The following PACRG variants were observed in gnomAD, a reference collection of about 807,000 sequenced individuals.
The protein encoded by PACRG is parkin coregulated, also known as parkin coregulated gene protein.
A neutral mutation model predicts 29.7 loss-of-function variants in PACRG; 29 were observed. The observed-to-expected ratio is 0.98, with a 90% CI of 0.73 to 1.33. The LOEUF (loss-of-function observed/expected upper bound fraction) is 1.33. Ranked by LOEUF, PACRG falls within the 40% of genes most tolerant of loss-of-function variation. PACRG has a pLI of 0.00. For synonymous variants in PACRG, 116 were observed against 118.7 expected (o/e 0.98, Z 0.15); for missense variants, 279 against 316.2 (o/e 0.88, Z 0.89).
chr6:162,931,064 TG>T (rs1280187518), intron 2 of PACRG, among the ~76,000 whole-genome samples: 1 of 151,932 alleles, frequency 6.6e-6, no homozygotes, highest in East Asian at 1.9e-4. Context: ...TGTCTGATTT[TG>T]GTATCAGAGT....
chr6:162,938,662 A>G (rs1179888297), intron 2 of PACRG, among the ~76,000 whole-genome samples: 2 of 152,066 alleles, frequency 1.3e-5, no homozygotes, highest in African/African-American at 4.8e-5. Flanking sequence ...CCCAACATCT[A>G]TTATTTTTTA....
intron 4 of PACRG, among the ~76,000 whole-genome samples, chr6:163,095,943 T>G (rs562315142): frequency 1.3e-5 from 2 of 152,308 alleles, no homozygotes; most frequent in South Asian, 4.1e-4. Flanking sequence ...ATCTCATCTT[T>G]GATAAATAAA....
intron 4 of PACRG, among the ~76,000 whole-genome samples, chr6:163,198,049 C>T (rs1444735037): frequency 6.6e-6 from 1 of 152,186 alleles, no homozygotes; most frequent in Non-Finnish European, 1.5e-5. Context: ...GCCCCAGGTC[C>T]CCGCTAATCT....
At chr6:162,994,540 T>C (rs747601855) in intron 2 of PACRG, among the ~76,000 whole-genome samples, 1 of 152,138 alleles carries the variant, frequency 6.6e-6, no homozygotes, top group Non-Finnish European at 1.5e-5. Flanking sequence ...GCATCGGCTC[T>C]TGAGGCTTCT....
intron 2 of PACRG, among the ~76,000 whole-genome samples, chr6:162,885,528 C>T (rs879555897): frequency 7.2e-5 from 11 of 152,100 alleles, no homozygotes; most frequent in Non-Finnish European, 1.6e-4. Context: ...TCCTCGGCCT[C>T]CCAAAGTGCT....
intron 3 of PACRG, among the ~76,000 whole-genome samples, chr6:163,065,177 C>T (rs1000383520): frequency 6.6e-6 from 1 of 152,126 alleles, no homozygotes; most frequent in African/African-American, 2.4e-5. Flanking sequence ...TCCCTCCCAC[C>T]TTTCTGATTT....
chr6:163,306,442 T>A (rs1785200600), intron 4 of PACRG, among the ~76,000 whole-genome samples: 1 of 152,244 alleles, frequency 6.6e-6, no homozygotes, highest in Admixed American at 6.5e-5. Flanking sequence ...AGTATAACTT[T>A]CAGGTCAAAA....
Position 162,844,182 on chromosome 6 carries a change from C to T in PACRG, c.291+29901C>T, listed in dbSNP as rs1259725005. 9.4e-5 allele frequency among the ~76,000 whole-genome samples: 14 copies of T among 149,466 alleles called. No homozygotes were observed. The South Asian group carries it at 1.5e-3, about 16-fold the overall frequency. On this transcript the variant is annotated intron_variant, in intron 2 of 4. Coordinates refer to ENST00000366888, the MANE Select transcript of PACRG (RefSeq NM_001080379.2). ...CTAAGCAAGCCTGGGCAATGGCGGG[C>T]GCCCCTCCCCCAGCCTCGCTGCCGC...
intron 2 of PACRG, among the ~76,000 whole-genome samples, chr6:163,047,167 A>T (rs1034164982): frequency 6.6e-6 from 1 of 152,204 alleles, no homozygotes; most frequent in African/African-American, 2.4e-5. Context: ...AACAGTCTCA[A>T]TTTCTAAAAC....
chr6:162,815,785 CTATGTACTGGCTCATAGA>C (rs1457650045), intron 2 of PACRG, among the ~76,000 whole-genome samples: 1 of 151,982 alleles, frequency 6.6e-6, no homozygotes, highest in Non-Finnish European at 1.5e-5. Flanking sequence ...GTTTGCCTGT[CTATGTACTGGCTCATAGA>C]TATGTACTGG....
At chr6:163,042,688 A>ACT (rs913722364) in intron 2 of PACRG, 1 of 122,596 alleles carries the variant, frequency 8.2e-6, no homozygotes, top group African/African-American at 3.3e-5. Flanking sequence ...GATTGTGAAT[A>ACT]CTGTGTTTGC....
intron 4 of PACRG, among the ~76,000 whole-genome samples, chr6:163,098,286 A>G (rs1292804020): frequency 2.0e-5 from 3 of 152,156 alleles, no homozygotes; most frequent in Non-Finnish European, 4.4e-5. Flanking sequence ...GGAACAGGCC[A>G]TGTGATCTGA....
intron 2 of PACRG, among the ~76,000 whole-genome samples, chr6:162,978,101 AC>A (rs1193638336): frequency 1.3e-5 from 2 of 151,828 alleles, no homozygotes; most frequent in African/African-American, 4.8e-5. Context: ...CCAAGATTGC[AC>A]CACTGTACTC....
At chr6:163,285,876 C>T (rs1784385913) in intron 4 of PACRG, among the ~76,000 whole-genome samples, 1 of 152,170 alleles carries the variant, frequency 6.6e-6, no homozygotes, top group Non-Finnish European at 1.5e-5. Flanking sequence ...ACTGTAGACT[C>T]TGAAAGGAGC....
intron 4 of PACRG, chr6:163,112,015 G>T (rs951257416): frequency 3.2e-6 from 3 of 941,954 alleles, no homozygotes; most frequent in Non-Finnish European, 3.8e-6. Flanking sequence ...CACTTGATTT[G>T]CTTTATTTAG....
intron 2 of PACRG, among the ~76,000 whole-genome samples, chr6:162,943,259 A>G (rs1177347312): frequency 6.6e-6 from 1 of 152,112 alleles, no homozygotes; most frequent in Non-Finnish European, 1.5e-5. Context: ...CTGGGGACCC[A>G]TGGCCCCACA....
intron 4 of PACRG, among the ~76,000 whole-genome samples, chr6:163,119,299 C>A (rs137890758): frequency 1.1e-4 from 17 of 152,364 alleles, no homozygotes; most frequent in African/African-American, 4.1e-4. Flanking sequence ...CCACCATGTT[C>A]TCGTCTGTGA....
At chr6:162,743,819 T>C (rs542391834) in intron 1 of PACRG, among the ~76,000 whole-genome samples, 99 of 152,300 alleles carry the variant, frequency 6.5e-4, no homozygotes, top group Middle Eastern at 3.4e-3. Flanking sequence ...TGAAACATTT[T>C]CCTCATGCTA....
At chr6:163,086,603 C>T (rs896110040) in intron 3 of PACRG, among the ~76,000 whole-genome samples, 2 of 152,086 alleles carry the variant, frequency 1.3e-5, no homozygotes, top group Non-Finnish European at 2.9e-5. Flanking sequence ...GAAGTGTTTT[C>T]ATGCAACAAA....
Sources: allele counts gnomAD v4.1 joint callset (sites outside exome capture counted in the v4.1 genomes callset), GRCh38; gene constraint gnomAD v4.1.1; transcripts MANE v1.5; gene names NCBI Gene and HGNC (gene_info 2026-07-23, HGNC 2026-07-21).